MIPOL1: variants seen among roughly 807,000 people sequenced by gnomAD.
MIPOL1 encodes the protein mirror-image polydactyly 1.
MIPOL1 carries 57 observed loss-of-function variants against 60.9 expected under a neutral mutation model. The observed-to-expected ratio is 0.94, with a 90% CI of 0.76 to 1.17. MIPOL1 has a LOEUF of 1.17. Among genes scored for constraint, MIPOL1 ranks in the 50% most tolerant of loss-of-function variants. The pLI, the probability that MIPOL1 is intolerant of heterozygous loss-of-function variation, is 0.00. For missense variants in MIPOL1, 551 were observed against 511.6 expected (o/e 1.08, Z -0.74); for synonymous variants, 179 against 168.8 (o/e 1.06, Z -0.47).
At chr14:37,287,734 TG>T (rs1425784254) in intron 7 of MIPOL1, among the ~76,000 whole-genome samples, 7 of 152,034 alleles carry the variant, frequency 4.6e-5, no homozygotes, top group African/African-American at 1.4e-4. Flanking sequence ...CAAATGAGAC[TG>T]AAAAAAAAGG....
At chr14:37,418,554 T>A (rs532224537) in intron 10 of MIPOL1, among the ~76,000 whole-genome samples, 1 of 152,136 alleles carries the variant, frequency 6.6e-6, no homozygotes, top group South Asian at 2.1e-4. Flanking sequence ...TTATGTCACC[T>A]GGAATTATGT....
intron 9 of MIPOL1, among the ~76,000 whole-genome samples, chr14:37,313,942 T>C (rs985868905): frequency 6.6e-6 from 1 of 152,154 alleles, no homozygotes; most frequent in African/African-American, 2.4e-5. Context: ...CTTCTACTTT[T>C]CTGTCTTCTA....
intron 12 of MIPOL1, chr14:37,545,768 C>A (rs750494286): frequency 2.8e-5 from 16 of 569,574 alleles, no homozygotes; most frequent in Non-Finnish European, 4.7e-5. Flanking sequence ...ATCATCTAAA[C>A]CAGCTTTGTA....
intron 11 of MIPOL1, among the ~76,000 whole-genome samples, chr14:37,481,559 CAA>C (rs1491204883): frequency 6.2e-4 from 38 of 61,246 alleles, no homozygotes; most frequent in African/African-American, 1.6e-3. Context: ...GGACCCCCCC[CAA>C]CACACACACA....
At chr14:37,353,978 G>A (rs1595342326) in intron 9 of MIPOL1, among the ~76,000 whole-genome samples, 2 of 151,422 alleles carry the variant, frequency 1.3e-5, no homozygotes, top group Admixed American at 6.6e-5. Flanking sequence ...TTGCTTTTCT[G>A]GTTTTTTTAA....
chr14:37,382,030 G>C (rs1224920728), intron 10 of MIPOL1, among the ~76,000 whole-genome samples: 1 of 151,976 alleles, frequency 6.6e-6, no homozygotes, highest in Non-Finnish European at 1.5e-5. Context: ...GATGATGTCA[G>C]TATTTTGGAA....
At chr14:37,335,450 A>G (rs1470311378) in intron 9 of MIPOL1, among the ~76,000 whole-genome samples, 1 of 151,894 alleles carries the variant, frequency 6.6e-6, no homozygotes, top group East Asian at 1.9e-4. Context: ...CTGACATTTC[A>G]CTTTCTTTGT....
At chr14:37,323,914 C>T (rs974810444) in intron 9 of MIPOL1, among the ~76,000 whole-genome samples, 6 of 151,976 alleles carry the variant, frequency 3.9e-5, no homozygotes, top group African/African-American at 1.4e-4. Flanking sequence ...GTTTCTTTTA[C>T]TGATAAGTAA....
At chr14:37,236,757 C>CTGTTCCTTG (rs1320348306) in intron 1 of MIPOL1, among the ~76,000 whole-genome samples, 3 of 152,226 alleles carry the variant, frequency 2.0e-5, no homozygotes, top group East Asian at 3.9e-4. Context: ...TTTGTGCACT[C>CTGTTCCTTG]TGTTCCTTGT....
chr14:37,326,920 G>C (rs1169960196), intron 9 of MIPOL1, among the ~76,000 whole-genome samples: 1 of 151,934 alleles, frequency 6.6e-6, no homozygotes. Context: ...AGATAATCTT[G>C]GTAATTAATA....
At chr14:37,502,892 G>A (rs902765919) in intron 12 of MIPOL1, 1 of 152,140 alleles carries the variant, frequency 6.6e-6, no homozygotes. Flanking sequence ...TTACATGAAT[G>A]GCTAACTAGA....
chr14:37,460,089 A>AAATAATAATAATAATAAT (rs139000493), intron 11 of MIPOL1, among the ~76,000 whole-genome samples: 11 of 148,914 alleles, frequency 7.4e-5, no homozygotes, highest in African/African-American at 2.2e-4. Context: ...AATAATAGTA[A>AAATAATAATAATAATAAT]AATAATAATA....
At chr14:37,277,285 TAGC>T (rs978893768) in intron 6 of MIPOL1, 1 of 151,320 alleles carries the variant, frequency 6.6e-6, no homozygotes, top group Non-Finnish European at 1.5e-5. Flanking sequence ...AATGTTTAGA[TAGC>T]AGTTATATTT....
At chr14:37,317,099 G>A (rs1174457591) in intron 9 of MIPOL1, among the ~76,000 whole-genome samples, 1 of 152,116 alleles carries the variant, frequency 6.6e-6, no homozygotes, top group Non-Finnish European at 1.5e-5. Context: ...TTAGGAACAG[G>A]GAAACTACTT....
At chr14:37,206,694 G>C (rs1966144980) in intron 1 of MIPOL1, among the ~76,000 whole-genome samples, 2 of 152,204 alleles carry the variant, frequency 1.3e-5, no homozygotes, top group Non-Finnish European at 2.9e-5. Flanking sequence ...CAAAGCCACA[G>C]GGGCAGAGCT....
intron 12 of MIPOL1, among the ~76,000 whole-genome samples, chr14:37,509,452 T>C (rs1566743826): frequency 6.6e-6 from 1 of 151,818 alleles, no homozygotes; most frequent in Admixed American, 6.6e-5. Context: ...AGAGCAAACA[T>C]ACTTCCCCCA....
intron 11 of MIPOL1, among the ~76,000 whole-genome samples, chr14:37,485,315 TGGAATGATTTATAATCCTTTG>T (rs2094930782): frequency 6.6e-6 from 1 of 152,210 alleles, no homozygotes; most frequent in Non-Finnish European, 1.5e-5. Flanking sequence ...GTCTTTATAC[TGGAATGATTTATAATCCTTTG>T]GGTATATACC....
At chr14:37,216,774 A>G (rs1967791348) in intron 1 of MIPOL1, among the ~76,000 whole-genome samples, 1 of 152,232 alleles carries the variant, frequency 6.6e-6, no homozygotes, top group African/African-American at 2.4e-5. Context: ...CCTATGGGAT[A>G]CAGCCAAAGC....
chr14:37,502,909 AG>A (rs1377913154), intron 12 of MIPOL1: 1 of 152,228 alleles, frequency 6.6e-6, no homozygotes, highest in Non-Finnish European at 1.5e-5. Context: ...TAGAATAAAC[AG>A]TGTAGAGAAG....
Sources: gnomAD v4.1 joint callset for allele counts (sites outside exome capture counted in the v4.1 genomes callset) on GRCh38, gnomAD v4.1.1 for gene constraint, MANE v1.5 for transcripts, NCBI Gene and HGNC (gene_info 2026-07-23, HGNC 2026-07-21) for gene names.